The following DYM variants were observed in gnomAD, a reference collection of about 807,000 sequenced individuals.
DYM encodes the protein dyggve-Melchior-Clausen syndrome protein.
DYM carries 78 observed loss-of-function variants against 93.1 expected under a neutral mutation model. The observed-to-expected ratio is 0.84, with a 90% confidence interval of 0.70 to 1.01. The LOEUF (loss-of-function observed/expected upper bound fraction) is 1.01. Among genes scored for constraint, DYM ranks in the 50% least tolerant of loss-of-function variants. DYM has a pLI of 0.00. For synonymous variants in DYM, 321 were observed against 319.7 expected (o/e 1.00, Z -0.04); for missense variants, 789 against 845.0 (o/e 0.93, Z 0.82).
chr18:49,246,534 G>A (rs2094171328), intron 13 of DYM, among the ~76,000 whole-genome samples: 1 of 147,270 alleles, frequency 6.8e-6, no homozygotes, highest in East Asian at 2.0e-4. Context: ...AAAATACTAG[G>A]CTATGAACCT....
rs534026885 is a variant in DYM, at chr18:49,114,421, C to T, written c.1911+4323G>A. 7.7e-5 allele frequency: 32 copies of T among 413,540 alleles called. No homozygotes were observed. The South Asian group carries it at 2.0e-3, about 26-fold the overall frequency. 25.6% of individuals were successfully genotyped at this position (413,540 alleles called of 1,614,324 possible). On this transcript the variant is annotated intron_variant, in intron 16 of 17. Transcript: ENST00000675505. ...AGTGTAAATAAGTGGCCCATTATTC[C>T]GACAATGACAGAAAAGTGAGCACTG...
At chr18:49,072,923 A>G (rs2077004872) in intron 17 of DYM, among the ~76,000 whole-genome samples, 1 of 152,226 alleles carries the variant, frequency 6.6e-6, no homozygotes, top group Non-Finnish European at 1.5e-5. Flanking sequence ...GGCTGGAAAC[A>G]TATGCCTATT....
At chr18:49,439,177 T>C (rs2081107676) in intron 1 of DYM, among the ~76,000 whole-genome samples, 1 of 152,214 alleles carries the variant, frequency 6.6e-6, no homozygotes. Context: ...TTTCAGACTT[T>C]TTTTAACTCA....
At chr18:49,304,806 C>T (rs1350078787) in intron 8 of DYM, among the ~76,000 whole-genome samples, 1 of 152,196 alleles carries the variant, frequency 6.6e-6, no homozygotes, top group African/African-American at 2.4e-5. Context: ...CTCCACACTA[C>T]TCCCGTGCTC....
rs538209049 is a variant in DYM, at chr18:49,084,068, G to A, written c.2025+13334C>T. 2.3e-3 allele frequency among the ~76,000 whole-genome samples: 350 copies of A among 152,172 alleles called. 2 individuals are homozygous for A. The highest frequency in any genetic ancestry group is 3.1e-3 in the Non-Finnish European group (211 of 67,960). On this transcript the variant is annotated intron_variant, in intron 17 of 17. Coordinates refer to ENST00000675505, the MANE Select transcript of DYM (RefSeq NM_001353214.3). Reference sequence around the variant, plus strand: ...CTTTTCTTTTTAGTTTCTTAAGGTAGAAGCTTAGATTATCTGATGTTTTCT... The same window carrying A: ...CTTTTCTTTTTAGTTTCTTAAGGTAAAAGCTTAGATTATCTGATGTTTTCT...
At chr18:49,139,986 A>G (rs2084287965) in intron 15 of DYM, among the ~76,000 whole-genome samples, 3 of 152,104 alleles carry the variant, frequency 2.0e-5, no homozygotes, top group African/African-American at 2.4e-5. Context: ...GTGCCATTAC[A>G]TTTAATTTGC....
intron 2 of DYM, among the ~76,000 whole-genome samples, chr18:49,406,719 C>G (rs891061684): frequency 2.6e-5 from 4 of 152,180 alleles, no homozygotes; most frequent in Non-Finnish European, 4.4e-5. Context: ...GGCAGATAAA[C>G]TGGCTCTCTC....
At chr18:49,103,653 A>G (rs1322709147) in intron 16 of DYM, among the ~76,000 whole-genome samples, 1 of 152,172 alleles carries the variant, frequency 6.6e-6, no homozygotes, top group Non-Finnish European at 1.5e-5. Flanking sequence ...TCCCAGCACC[A>G]TTTATTAAAT....
chr18:49,432,525 A>G (rs2080430258), intron 1 of DYM, among the ~76,000 whole-genome samples: 1 of 151,128 alleles, frequency 6.6e-6, no homozygotes, highest in Admixed American at 6.6e-5. Context: ...TAGATATGGT[A>G]TGCTTTCATT....
chr18:49,187,372 C>T (rs1363879802), intron 14 of DYM, among the ~76,000 whole-genome samples: 2 of 152,130 alleles, frequency 1.3e-5, no homozygotes, highest in African/African-American at 2.4e-5. Context: ...ACAGTAAGGA[C>T]AGTAATAAAT....
intron 14 of DYM, among the ~76,000 whole-genome samples, chr18:49,182,869 C>T (rs1041425654): frequency 1.3e-5 from 2 of 152,092 alleles, no homozygotes; most frequent in African/African-American, 4.8e-5. Flanking sequence ...AGTCCCTGTT[C>T]TATATACTGT....
At chr18:49,263,955 G>A (rs2094530011) in intron 11 of DYM, among the ~76,000 whole-genome samples, 1 of 152,050 alleles carries the variant, frequency 6.6e-6, no homozygotes, top group Non-Finnish European at 1.5e-5. Flanking sequence ...TGATTAGCCT[G>A]GTATAGAGAC....
chr18:49,104,425 C>T (rs866441219), intron 16 of DYM, among the ~76,000 whole-genome samples: 2 of 152,274 alleles, frequency 1.3e-5, no homozygotes, highest in African/African-American at 4.8e-5. Flanking sequence ...GCCTGATTGC[C>T]CTGGCCTGAA....
At chr18:49,324,169 A>AAAAAAT (rs2062722322) in intron 8 of DYM, among the ~76,000 whole-genome samples, 1 of 145,220 alleles carries the variant, frequency 6.9e-6, no homozygotes, top group African/African-American at 2.6e-5. Context: ...AAAAAAAAAA[A>AAAAAAT]TCTTTAACAC....
At chr18:49,259,360 T>C (rs555076598) in intron 11 of DYM, among the ~76,000 whole-genome samples, 1 of 152,206 alleles carries the variant, frequency 6.6e-6, no homozygotes, top group East Asian at 1.9e-4. Context: ...TAATTACCAG[T>C]GCACATGAAA....
At chr18:49,270,255 G>C (rs147707285) in intron 11 of DYM, among the ~76,000 whole-genome samples, 104 of 152,268 alleles carry the variant, frequency 6.8e-4, no homozygotes, top group African/African-American at 2.3e-3. Flanking sequence ...ATATTATTCA[G>C]CCTTAAAAAA....
At chr18:49,379,471 AG>A (rs1289143026) in intron 4 of DYM, among the ~76,000 whole-genome samples, 193 bp downstream of exon 4, 1 of 152,218 alleles carries the variant, frequency 6.6e-6, no homozygotes, top group Non-Finnish European at 1.5e-5. Flanking sequence ...AGCTGAAATC[AG>A]ATTCCCGAAT....
intron 7 of DYM, 49 bp from the exon 8 acceptor site, chr18:49,332,055 T>C (rs779211727): frequency 3.2e-6 from 5 of 1,543,926 alleles, no homozygotes; most frequent in Non-Finnish European, 4.4e-6. Flanking sequence ...GGGAGTCATC[T>C]AATTCTGAAT....
chr18:49,141,692 T>C (rs1176611189), intron 15 of DYM, among the ~76,000 whole-genome samples: 3 of 152,188 alleles, frequency 2.0e-5, no homozygotes, highest in African/African-American at 4.8e-5. Context: ...ATTCTTGCGA[T>C]TCTCTTGCAT....
Sources: gnomAD v4.1 joint callset for allele counts (sites outside exome capture counted in the v4.1 genomes callset) on GRCh38, gnomAD v4.1.1 for gene constraint, MANE v1.5 for transcripts, NCBI Gene and HGNC (gene_info 2026-07-23, HGNC 2026-07-21) for gene names.